Variants in BICD1 observed in about 807,000 individuals in gnomAD.
The protein encoded by BICD1 is BICD cargo adaptor 1.
BICD1 carries 35 observed loss-of-function variants against 92.5 expected under a neutral mutation model. The observed-to-expected ratio is 0.38, with a 90% CI of 0.29 to 0.50. BICD1 has a LOEUF of 0.50. Among genes scored for constraint, BICD1 ranks in the 20% least tolerant of loss-of-function variants. The probability of loss-of-function intolerance (pLI) is 0.93; values close to 1 mark genes in which losing one functional copy is unlikely to be tolerated. For synonymous variants in BICD1, 429 were observed against 465.1 expected (o/e 0.92, Z 1.00); for missense variants, 950 against 1,189.8 (o/e 0.80, Z 2.97).
intron 4 of BICD1, among the ~76,000 whole-genome samples, chr12:32,317,156 A>G (rs1009765145): frequency 3.3e-5 from 5 of 152,180 alleles, no homozygotes; most frequent in African/African-American, 1.2e-4. Context: ...GAATAGTGCC[A>G]CAATAAACAT....
At chr12:32,117,022 C>T (rs944438790) in intron 1 of BICD1, among the ~76,000 whole-genome samples, 4 of 152,062 alleles carry the variant, frequency 2.6e-5, no homozygotes, top group Admixed American at 6.6e-5. Flanking sequence ...TTCATTGATG[C>T]GTCTGTACTT....
chr12:32,276,278 G>T (rs1247150556), intron 2 of BICD1, among the ~76,000 whole-genome samples: 1 of 152,132 alleles, frequency 6.6e-6, no homozygotes, highest in South Asian at 2.1e-4. Flanking sequence ...CCCCAATTCA[G>T]CAGGAAGCTG....
chr12:32,134,568 C>A (rs1942663339), intron 1 of BICD1, among the ~76,000 whole-genome samples: 1 of 152,104 alleles, frequency 6.6e-6, no homozygotes, highest in South Asian at 2.1e-4. Context: ...CCTGTTGGCT[C>A]ATCATGATGC....
At position 32,260,980 on chromosome 12, in the gene BICD1, T is replaced by C. The variant is rs372688960; in HGVS notation, c.427-33014T>C. On this transcript the variant is annotated intron_variant, in intron 2 of 9. Transcript: ENST00000652176. ...TTTCCTATTTCAATAAAAATAGCCT[T>C]GTAGGCGAATATGCCACTGATTCGG... Among the ~76,000 whole-genome samples the C allele has an allele frequency of 1.3e-5, 2 of 152,210 alleles. 1 individual carries two copies. Among genetic ancestry groups the C allele is most frequent in the South Asian group, 4.1e-4 (2 of 4,834 alleles).
rs145739270 is a variant in BICD1, at chr12:32,192,936, T to A, written c.214-23311T>A. Among the ~76,000 whole-genome samples, 81 of 152,340 alleles carry A rather than the reference T, an allele frequency of 5.3e-4. 1 individual carries two copies. The highest frequency in any genetic ancestry group is 1.8e-3 in the African/African-American group (75 of 41,588). ...TGTGAATGAATGAGTACTTGTTTCT[T>A]ATGGATGAACATCCTTCTTAAAGAT... On this transcript the variant is annotated intron_variant, in intron 1 of 9. Transcript: ENST00000652176.
chr12:32,166,650 G>A (rs1943780114), intron 1 of BICD1, among the ~76,000 whole-genome samples: 1 of 152,158 alleles, frequency 6.6e-6, no homozygotes, highest in African/African-American at 2.4e-5. Context: ...ATAAGACTAG[G>A]GGAGAATAAA....
At chr12:32,332,108 A>G (rs1380351161) in intron 5 of BICD1, among the ~76,000 whole-genome samples, 1 of 152,158 alleles carries the variant, frequency 6.6e-6, no homozygotes, top group African/African-American at 2.4e-5. Context: ...ATCCTTAGCA[A>G]ACTAACACAG....
chr12:32,204,370 T>C (rs1372206940), intron 1 of BICD1, among the ~76,000 whole-genome samples: 1 of 148,174 alleles, frequency 6.7e-6, no homozygotes, highest in Non-Finnish European at 1.5e-5. Context: ...AATGAAAATG[T>C]GAATGGTCAA....
rs371784251 is a variant in BICD1, at chr12:32,303,353, T to C, written c.580-2344T>C. 4.6e-5 allele frequency among the ~76,000 whole-genome samples: 7 copies of C among 152,340 alleles called. No individual in the cohort carries two copies. In the East Asian group the frequency reaches 1.4e-3, roughly 29 times the overall value. On this transcript the variant is annotated intron_variant, in intron 3 of 9. Coordinates refer to ENST00000652176, the MANE Select transcript of BICD1 (RefSeq NM_001714.4). ...TTGTTAGAAACATCTGCTATACATA[T>C]GTCTTTATGAGTTGCATCCTATTAG... is the stretch of plus-strand genomic sequence containing the variant.
rs150822819 is a variant in BICD1, at chr12:32,219,528, A to AT, written c.426+3070dup. On this transcript the variant is annotated intron_variant, in intron 2 of 9. Coordinates refer to ENST00000652176, the MANE Select transcript of BICD1 (RefSeq NM_001714.4). ...TAAACATAAGCAATTATCATTAATA[A>AT]TGTTCTGCATACTCCAAAAATATCA... Among the ~76,000 whole-genome samples, 710 of 152,322 alleles carry AT rather than the reference A, an allele frequency of 4.7e-3. 4 individuals carry two copies. Among genetic ancestry groups the AT allele is most frequent in the African/African-American group, 0.016 (683 of 41,578 alleles).
intron 1 of BICD1, among the ~76,000 whole-genome samples, chr12:32,210,044 AC>A (rs1174073539): frequency 2.0e-5 from 3 of 152,138 alleles, no homozygotes; most frequent in Non-Finnish European, 2.9e-5. Context: ...TCTTGCCTTA[AC>A]TTTTTCAACA....
chr12:32,223,292 T>C (rs7954743), intron 2 of BICD1, among the ~76,000 whole-genome samples: 4,176 of 152,254 alleles, frequency 0.027, 179 homozygotes, highest in African/African-American at 0.093. Context: ...CCAAGGCAAG[T>C]GGACCATCTG....
intron 4 of BICD1, among the ~76,000 whole-genome samples, chr12:32,318,524 G>C (rs113923661): frequency 0.078 from 11,821 of 152,102 alleles, 511 homozygotes; most frequent in Middle Eastern, 0.13. Context: ...GTCTGTTATT[G>C]GTGTATAAGA....
chr12:32,283,482 G>A (rs961548898), intron 2 of BICD1, among the ~76,000 whole-genome samples: 24 of 152,122 alleles, frequency 1.6e-4, no homozygotes, highest in Non-Finnish European at 3.1e-4. Context: ...AGCATGCATA[G>A]AGAAGGCAGA....
At chr12:32,182,282 T>TC (rs1944298795) in intron 1 of BICD1, among the ~76,000 whole-genome samples, 2 of 116,196 alleles carry the variant, frequency 1.7e-5, no homozygotes, top group Admixed American at 8.6e-5. Context: ...TTCTTTCTTT[T>TC]TTTTTTTTTT....
intron 2 of BICD1, among the ~76,000 whole-genome samples, chr12:32,265,544 A>T (rs1946969036): frequency 1.1e-5 from 1 of 95,120 alleles, no homozygotes; most frequent in African/African-American, 4.6e-5. Context: ...CCCCGTTTCT[A>T]CAGAAAAAAA....
intron 2 of BICD1, 78 bp downstream of exon 2, chr12:32,216,537 C>G: frequency 6.8e-7 from 1 of 1,467,780 alleles, no homozygotes; most frequent in Non-Finnish European, 9.3e-7. Flanking sequence ...AGAGGAATAA[C>G]ACTTTTGTTT....
intron 2 of BICD1, among the ~76,000 whole-genome samples, chr12:32,277,248 G>A (rs954097108): frequency 2.6e-5 from 4 of 152,152 alleles, no homozygotes; most frequent in Admixed American, 2.0e-4. Context: ...AGAAAAATTA[G>A]TTGGGCATGG....
chr12:32,335,283 TG>T (rs575500770), intron 6 of BICD1, among the ~76,000 whole-genome samples: 100 of 152,098 alleles, frequency 6.6e-4, no homozygotes, highest in African/African-American at 2.2e-3. Context: ...CCCGAGTAGC[TG>T]GGAATACAGG....
Sources: allele counts gnomAD v4.1 joint callset (sites outside exome capture counted in the v4.1 genomes callset), GRCh38; gene constraint gnomAD v4.1.1; transcripts MANE v1.5; gene names NCBI Gene and HGNC (gene_info 2026-07-23, HGNC 2026-07-21).